ALMS1: variants seen among roughly 807,000 people sequenced by gnomAD.
ALMS1 encodes ALMS1 centrosome and basal body associated protein.
A neutral mutation model predicts 352.2 loss-of-function variants in ALMS1; 271 were observed. That is an observed-to-expected ratio of 0.77 (90% CI 0.70 to 0.85). ALMS1 has a LOEUF of 0.85. Ranked by LOEUF, ALMS1 falls within the 40% of genes least tolerant of loss-of-function variation. The probability of loss-of-function intolerance (pLI) is 0.00; values close to 1 mark genes in which losing one functional copy is unlikely to be tolerated. For synonymous variants in ALMS1, 1,865 were observed against 1,761.2 expected (o/e 1.06, Z -1.48); for missense variants, 5,445 against 4,870.7 (o/e 1.12, Z -3.51).
intron 9 of ALMS1, among the ~76,000 whole-genome samples, chr2:73,479,145 T>A (rs542372769): frequency 2.0e-5 from 3 of 152,266 alleles, no homozygotes; most frequent in South Asian, 4.2e-4. Context: ...GGTATTTAAT[T>A]TTTTTTAAGT....
intron 9 of ALMS1, among the ~76,000 whole-genome samples, chr2:73,476,055 C>T (rs1179235052): frequency 1.3e-5 from 2 of 151,888 alleles, no homozygotes; most frequent in Non-Finnish European, 2.9e-5. Flanking sequence ...CCCATTTTCC[C>T]CTTCCCCTTA....
chr2:73,557,185 TC>T, intron 13 of ALMS1, 34 bp from the exon 14 acceptor site: 1 of 1,613,746 alleles, frequency 6.2e-7, no homozygotes. Context: ...TTATTATCTT[TC>T]CTTTTCTGAA....
In ALMS1 at chr2:73,410,171, C is replaced by T. The variant is rs181649709; in HGVS notation, c.450+1424C>T. On this transcript the variant is annotated intron_variant, in intron 2 of 22. Transcript: ENST00000613296. ...TGGGAGGCTGAGGTGGGTGGATCAC[C>T]TGAGGTCAGGAGTTCAAGACCAGCC... Among the ~76,000 whole-genome samples the T allele has an allele frequency of 1.6e-4, 24 of 152,120 alleles. No individual in the cohort carries two copies. The East Asian group carries it at 3.3e-3, about 21-fold the overall frequency.
intron 2 of ALMS1, among the ~76,000 whole-genome samples, chr2:73,412,702 A>G (rs1205403572): frequency 1.3e-5 from 2 of 152,170 alleles, no homozygotes; most frequent in Non-Finnish European, 2.9e-5. Flanking sequence ...AGGCTGAGGC[A>G]GGAGAATCGC....
intron 9 of ALMS1, among the ~76,000 whole-genome samples, chr2:73,465,480 A>T (rs1672314628): frequency 6.6e-6 from 1 of 152,222 alleles, no homozygotes; most frequent in Admixed American, 6.5e-5. Flanking sequence ...CGTATACAAA[A>T]ATTAATTCAA....
At chr2:73,578,425 G>T (rs1675098949) in intron 16 of ALMS1, among the ~76,000 whole-genome samples, 1 of 151,756 alleles carries the variant, frequency 6.6e-6, no homozygotes, top group Non-Finnish European at 1.5e-5. Context: ...CTTTCTTTAT[G>T]TCATATCTTT....
intron 15 of ALMS1, among the ~76,000 whole-genome samples, chr2:73,563,065 C>T (rs1212470251): frequency 2.0e-5 from 3 of 149,340 alleles, no homozygotes; most frequent in Non-Finnish European, 4.4e-5. Flanking sequence ...GCATGCAAGT[C>T]TATATATAAG....
intron 12 of ALMS1, among the ~76,000 whole-genome samples, chr2:73,541,799 C>G (rs988035170): frequency 5.9e-5 from 9 of 152,128 alleles, no homozygotes; most frequent in Non-Finnish European, 1.2e-4. Flanking sequence ...ACACATATAC[C>G]TTCCCAAGAC....
intron 7 of ALMS1, among the ~76,000 whole-genome samples, chr2:73,447,133 G>T (rs1406105): frequency 0.86 from 130,706 of 152,150 alleles, 56,216 homozygotes; most frequent in Admixed American, 0.9. Context: ...AATGAATGAA[G>T]GGACAGCTTG....
Position 73,408,695 on chromosome 2 carries a change from C to A in ALMS1, c.398C>A (p.Thr133Asn). The A allele has an allele frequency of 6.2e-7, 1 of 1,613,092 alleles. No individual in the cohort carries two copies. Among genetic ancestry groups the A allele is most frequent in the Non-Finnish European group, 8.5e-7 (1 of 1,179,710 alleles). Reference protein sequence around the residue: ...QGNSRTQISDTNVVCLETTAQ... With the variant: ...QGNSRTQISDNNVVCLETTAQ... The stretch of plus-strand genomic sequence containing the variant: ...AATAGTAGAACACAAATTTCTGATA[C>A]TAATGTGGTCTGTTTGGAAACAACA... Residue 133 changes from threonine to asparagine, a missense_variant, in exon 2 of 23, where the codon ACT (threonine) becomes AAT (asparagine). By Grantham distance (65) the Thr-to-Asn change is moderately conservative (BLOSUM62 0). Coordinates refer to ENST00000613296, the MANE Select transcript of ALMS1 (RefSeq NM_001378454.1).
At chr2:73,470,616 A>G (rs941074282) in intron 9 of ALMS1, 1 of 151,224 alleles carries the variant, frequency 6.6e-6, no homozygotes. Flanking sequence ...AGAATGTTCT[A>G]TGTGCAGTTG....
chr2:73,553,842 A>G (rs1162515955), intron 13 of ALMS1, among the ~76,000 whole-genome samples: 2 of 152,188 alleles, frequency 1.3e-5, no homozygotes, highest in East Asian at 3.8e-4. Context: ...AGTATATAGT[A>G]TAAGAATAAA....
At chr2:73,566,040 T>C (rs1674794628) in intron 15 of ALMS1, among the ~76,000 whole-genome samples, 1 of 152,184 alleles carries the variant, frequency 6.6e-6, no homozygotes, top group Non-Finnish European at 1.5e-5. Flanking sequence ...GATTGATTCA[T>C]GGTAATATAT....
chr2:73,493,384 T>C (rs1443652594), intron 10 of ALMS1, among the ~76,000 whole-genome samples: 1 of 149,694 alleles, frequency 6.7e-6, no homozygotes, highest in Non-Finnish European at 1.5e-5. Context: ...CACAGATGCA[T>C]AAAACATATA....
At position 73,572,556 on chromosome 2, in the gene ALMS1, T is replaced by C. The variant is rs752203028; in HGVS notation, c.10679T>C (p.Met3560Thr). ...GTGAATTTGGGAAACAAAGAAGTGATGGATACTACTAAAAGTCAAGTTAGA... is the reference window on the plus strand; with the variant it reads ...GTGAATTTGGGAAACAAAGAAGTGACGGATACTACTAAAAGTCAAGTTAGA... ...INVNLGNKEV[M>T]DTTKSQVRDY... The change falls in exon 16 of 23, where the codon ATG (methionine) becomes ACG (threonine). Residue 3560 changes from methionine to threonine, a missense_variant. Physicochemically the swap from Met to Thr is moderately conservative, Grantham distance 81. Transcript: ENST00000613296. The C allele has an allele frequency of 6.2e-7, 1 of 1,613,842 alleles. No individual in the cohort carries two copies. The highest frequency in any genetic ancestry group is 2.2e-5 in the East Asian group (1 of 44,868).
chr2:73,555,802 A>T (rs1307072078), intron 13 of ALMS1, among the ~76,000 whole-genome samples: 1 of 152,172 alleles, frequency 6.6e-6, no homozygotes, highest in Non-Finnish European at 1.5e-5. Context: ...TTAATACAGT[A>T]GAATAATACA....
intron 12 of ALMS1, among the ~76,000 whole-genome samples, chr2:73,539,934 T>G (rs1674129023): frequency 6.6e-6 from 1 of 152,202 alleles, no homozygotes; most frequent in Non-Finnish European, 1.5e-5. Context: ...GGAACCAAGT[T>G]GGAAAATACT....
At position 73,439,493 on chromosome 2, in the gene ALMS1, A is replaced by G. The variant is rs527869500; in HGVS notation, c.1432+7202A>G. The stretch of plus-strand genomic sequence containing the variant: ...GTGAATTTTTTGTAGACATCATATA[A>G]TTGGGTCATTTAAAAAAAATCCTGT... On this transcript the variant is annotated intron_variant, in intron 7 of 22. Coordinates refer to ENST00000613296, the MANE Select transcript of ALMS1 (RefSeq NM_001378454.1). 8.5e-5 allele frequency among the ~76,000 whole-genome samples: 13 copies of G among 152,108 alleles called. No individual in the cohort carries two copies. In the East Asian group the frequency reaches 2.3e-3, roughly 27 times the overall value.
intron 13 of ALMS1, among the ~76,000 whole-genome samples, chr2:73,553,058 G>C (rs1674471382): frequency 1.3e-5 from 2 of 151,860 alleles, no homozygotes; most frequent in African/African-American, 4.8e-5. Context: ...ATACTAAAAG[G>C]GACTACCATG....
Sources: gnomAD v4.1 joint callset for allele counts (sites outside exome capture counted in the v4.1 genomes callset) on GRCh38, gnomAD v4.1.1 for gene constraint, MANE v1.5 for transcripts, NCBI Gene and HGNC (gene_info 2026-07-23, HGNC 2026-07-21) for gene names.